TSGA10: variants seen among roughly 807,000 people sequenced by gnomAD.
TSGA10 encodes testis-specific gene 10 protein.
Under a neutral mutation model 96.6 loss-of-function variants are expected in TSGA10, and 43 were observed. That is an observed-to-expected ratio of 0.44 (90% CI 0.35 to 0.57). The LOEUF is 0.57. TSGA10 is among the 20% of genes least tolerant of loss of function. The probability of loss-of-function intolerance (pLI) is 0.01; values close to 1 mark genes in which losing one functional copy is unlikely to be tolerated. For missense variants in TSGA10, 703 were observed against 834.4 expected (o/e 0.84, Z 1.94); for synonymous variants, 229 against 269.9 (o/e 0.85, Z 1.48).
At chr2:99,114,989 G>A (rs1187470125) in intron 4 of TSGA10, among the ~76,000 whole-genome samples, 2 of 152,098 alleles carry the variant, frequency 1.3e-5, no homozygotes, top group African/African-American at 2.4e-5. Flanking sequence ...AGGCTAGAGC[G>A]TGACGTGATT....
chr2:99,101,114 A>T (rs1432327850), intron 10 of TSGA10, among the ~76,000 whole-genome samples: 2 of 150,704 alleles, frequency 1.3e-5, no homozygotes, highest in Non-Finnish European at 3.0e-5. Context: ...ATACAAAAAA[A>T]ATCAGCCGGG....
intron 20 of TSGA10, among the ~76,000 whole-genome samples, chr2:98,999,873 C>G (rs948263278): frequency 1.4e-4 from 21 of 152,278 alleles, no homozygotes; most frequent in African/African-American, 4.8e-4. Context: ...CTCAGCCTAC[C>G]AAGTAGCTAG....
At chr2:99,055,860 C>CAAAAAA (rs59969222) in intron 16 of TSGA10, among the ~76,000 whole-genome samples, 6 of 90,814 alleles carry the variant, frequency 6.6e-5, no homozygotes, top group Non-Finnish European at 1.2e-4. Context: ...ATCCAATTAA[C>CAAAAAA]AAAAAAAAAA....
chr2:99,032,070 CA>C (rs2081187434), intron 17 of TSGA10, among the ~76,000 whole-genome samples: 2 of 152,080 alleles, frequency 1.3e-5, no homozygotes, highest in Non-Finnish European at 2.9e-5. Flanking sequence ...TTTATAGTGG[CA>C]AGTGAGTTGA....
chr2:99,036,762 G>A (rs1237934631), intron 16 of TSGA10, among the ~76,000 whole-genome samples: 3 of 152,002 alleles, frequency 2.0e-5, no homozygotes, highest in African/African-American at 7.2e-5. Context: ...ATTTAGCTAC[G>A]ATAAATTAAT....
intron 20 of TSGA10, among the ~76,000 whole-genome samples, chr2:99,002,209 G>A (rs1018993451): frequency 6.6e-6 from 1 of 152,172 alleles, no homozygotes; most frequent in Non-Finnish European, 1.5e-5. Flanking sequence ...TTGAAATGAA[G>A]GGAAAATATT....
intron 10 of TSGA10, 40 bp from the exon 11 acceptor site, chr2:99,081,437 T>C: frequency 8.1e-7 from 1 of 1,237,670 alleles, no homozygotes; most frequent in East Asian, 2.5e-5. Flanking sequence ...CTGAAATTTT[T>C]GTTTTGTCAT....
intron 1 of TSGA10, among the ~76,000 whole-genome samples, chr2:99,151,837 G>C (rs1339456357): frequency 6.6e-6 from 1 of 152,018 alleles, no homozygotes; most frequent in Non-Finnish European, 1.5e-5. Flanking sequence ...TAAAAACCTT[G>C]TTTTGTATAT....
At chr2:99,102,519 T>A in intron 10 of TSGA10, 3 of 1,614,168 alleles carry the variant, frequency 1.9e-6, no homozygotes, top group Non-Finnish European at 2.5e-6. Flanking sequence ...TCCATTTTAC[T>A]TGTTTGATGA....
intron 10 of TSGA10, among the ~76,000 whole-genome samples, chr2:99,098,451 A>AAAG (rs2090324775): frequency 7.8e-6 from 1 of 128,628 alleles, no homozygotes; most frequent in Admixed American, 8.8e-5. Context: ...AAAAAAAAAA[A>AAAG]AAAAGAAAAG....
At chr2:99,049,659 C>T (rs959950779) in intron 16 of TSGA10, among the ~76,000 whole-genome samples, 6 of 151,666 alleles carry the variant, frequency 4.0e-5, no homozygotes, top group Middle Eastern at 3.2e-3. Context: ...CAGCAAACCA[C>T]CATGACATGT....
chr2:99,041,087 T>C (rs2082139204), intron 16 of TSGA10, among the ~76,000 whole-genome samples: 1 of 152,234 alleles, frequency 6.6e-6, no homozygotes, highest in South Asian at 2.1e-4. Flanking sequence ...TCTCTTGCAC[T>C]TACCTATTTA....
At chr2:99,077,127 C>A (rs73963386) in intron 12 of TSGA10, among the ~76,000 whole-genome samples, 1 of 70,432 alleles carries the variant, frequency 1.4e-5, no homozygotes, top group South Asian at 5.2e-4. Flanking sequence ...GACCATTCAC[C>A]TTTTTTTTTT....
At chr2:99,010,893 G>T (rs1414985047) in intron 20 of TSGA10, among the ~76,000 whole-genome samples, 1 of 152,194 alleles carries the variant, frequency 6.6e-6, no homozygotes, top group East Asian at 1.9e-4. Flanking sequence ...GCAGGAGCGA[G>T]GCTGGCCTTG....
Position 99,105,689 on chromosome 2 carries a change from T to C in TSGA10, c.219A>G (p.Glu73=), listed in dbSNP as rs2091271899. The C allele has an allele frequency of 2.5e-6, 4 of 1,588,872 alleles. No homozygotes were observed. In the East Asian group the frequency reaches 9.1e-5, roughly 36 times the overall value. The change falls in exon 8 of 21, where the codon GAA becomes GAG. Residue 73 remains glutamate (E), a synonymous_variant. Coordinates refer to ENST00000393483, the MANE Select transcript of TSGA10 (RefSeq NM_025244.4). The part of the protein sequence containing the change: ...KIFLLYEQAQ[E]EITRLRREMM... ...TTTCTCGTCGAAGTCGGGTAATTTC[T>C]TCCTGTGCCTATTATTTAAATCATA... is the stretch of plus-strand genomic sequence containing the variant.
Position 99,071,735 on chromosome 2 carries a change from G to C in TSGA10, c.1078C>G (p.Gln360Glu). ...LAHDNDNLQE[Q>E]FAKAKQENQA... ...TTTTCTTGTTTAGCTTTAGCAAACT[G>C]TTCCTGGAGATTGTCATTGTCATGA... Residue 360 changes from glutamine to glutamate, a missense_variant, in exon 14 of 21, where the codon CAG (glutamine) becomes GAG (glutamate). Around this residue, in one of 3 missense-constraint regions of TSGA10, gnomAD observed 585 missense variants for 656.8 expected, o/e 0.89. Coordinates refer to ENST00000393483, the MANE Select transcript of TSGA10 (RefSeq NM_025244.4). 1 of 1,613,810 alleles carries C rather than the reference G, an allele frequency of 6.2e-7. No homozygotes were observed. Among genetic ancestry groups the C allele is most frequent in the Admixed American group, 1.7e-5 (1 of 59,990 alleles).
intron 12 of TSGA10, among the ~76,000 whole-genome samples, chr2:99,074,011 T>TTTTTTTTC (rs2086322232): frequency 1.9e-5 from 2 of 107,084 alleles, no homozygotes; most frequent in Admixed American, 2.0e-4. Flanking sequence ...TTTTTTTTTT[T>TTTTTTTTC]TTTTTTTTTT....
At chr2:99,096,284 A>G (rs555101848) in intron 10 of TSGA10, among the ~76,000 whole-genome samples, 3 of 152,372 alleles carry the variant, frequency 2.0e-5, no homozygotes, top group Admixed American at 6.5e-5. Flanking sequence ...CAGAGCAAGC[A>G]TGTTTTTTAT....
intron 10 of TSGA10, among the ~76,000 whole-genome samples, chr2:99,103,418 A>C (rs555177295): frequency 6.6e-6 from 1 of 152,302 alleles, no homozygotes; most frequent in African/African-American, 2.4e-5. Context: ...TCATTCTCCC[A>C]AGCTTATTGC....
Sources: allele counts gnomAD v4.1 joint callset (sites outside exome capture counted in the v4.1 genomes callset), GRCh38; gene constraint gnomAD v4.1.1; regional missense constraint gnomAD v4.1.1; transcripts MANE v1.5; gene names NCBI Gene and HGNC (gene_info 2026-07-23, HGNC 2026-07-21).